The following SASH1 variants were observed in gnomAD, a reference collection of about 807,000 sequenced individuals.
SASH1 encodes SAM and SH3 domain containing 1, also known as SAM and SH3 domain-containing protein 1.
Under a neutral mutation model 125.2 loss-of-function variants are expected in SASH1, and 44 were observed. The ratio of observed to expected loss-of-function variants is 0.35; its 90% CI spans 0.28 to 0.45. The LOEUF is 0.45. Ranked by LOEUF, SASH1 falls within the 20% of genes least tolerant of loss-of-function variation. The pLI is 1.00. For missense variants in SASH1, 1,426 were observed against 1,614.5 expected, an observed-to-expected ratio of 0.88 and a Z score of 2.00; for synonymous variants, 639 against 649.1, an observed-to-expected ratio of 0.98 and a Z score of 0.24.
At chr6:148,310,391 A>G (rs1036209497) in intron 1 of SASH1, among the ~76,000 whole-genome samples, 28 of 151,060 alleles carry the variant, frequency 1.9e-4, no homozygotes, top group African/African-American at 6.3e-4. Context: ...TCTATTTAAC[A>G]ACTGGTGCTG....
upstream of SASH1, among the ~76,000 whole-genome samples, chr6:148,268,920 T>C (rs1778998580): frequency 6.6e-6 from 1 of 152,236 alleles, no homozygotes; most frequent in South Asian, 2.1e-4. Context: ...CATTGGGGAA[T>C]AACAATGCTG....
chr6:148,322,900 C>CTTTCTTTCTTTCTTTCTTTCTT (rs1443698620), intron 1 of SASH1, among the ~76,000 whole-genome samples: 2 of 129,268 alleles, frequency 1.5e-5, no homozygotes, highest in African/African-American at 5.8e-5. Context: ...TTCTTTCTTT[C>CTTTCTTTCTTTCTTTCTTTCTT]TCTCTCTTTC....
intron 1 of SASH1, among the ~76,000 whole-genome samples, chr6:148,353,769 A>G (rs1168949245): frequency 1.3e-5 from 2 of 152,204 alleles, no homozygotes; most frequent in Non-Finnish European, 2.9e-5. Context: ...TTGAGGTAAT[A>G]TGCCCTTTTT....
intron 2 of SASH1, among the ~76,000 whole-genome samples, chr6:148,428,454 A>G (rs776020280): frequency 2.6e-5 from 4 of 152,066 alleles, no homozygotes; most frequent in Admixed American, 6.5e-5. Flanking sequence ...AACATGGTGA[A>G]ACCATCTCTA....
chr6:148,238,699 A>C, the SASH1 span, among the ~76,000 whole-genome samples: 1 of 151,730 alleles, frequency 6.6e-6, no homozygotes, highest in Admixed American at 6.6e-5. Flanking sequence ...AGGGATTTTT[A>C]TGACTTTGCT....
chr6:148,353,435 ATTTT>A (rs377513066), intron 1 of SASH1, among the ~76,000 whole-genome samples: 22 of 108,800 alleles, frequency 2.0e-4, no homozygotes, highest in Non-Finnish European at 3.3e-4. Flanking sequence ...TTTAAGATTG[ATTTT>A]TTTTTTTTTT....
At chr6:148,268,159 T>G (rs951024122), upstream of SASH1, among the ~76,000 whole-genome samples, 4 of 152,172 alleles carry the variant, frequency 2.6e-5, no homozygotes, top group Admixed American at 6.5e-5. Context: ...AAGAAACTTT[T>G]CTGAATCAAA....
At chr6:148,275,515 A>C (rs996635327) in intron 1 of SASH1, among the ~76,000 whole-genome samples, 1 of 152,148 alleles carries the variant, frequency 6.6e-6, no homozygotes, top group Non-Finnish European at 1.5e-5. Flanking sequence ...GCCCCAGTCA[A>C]ACTTCCACCT....
intron 7 of SASH1, among the ~76,000 whole-genome samples, chr6:148,477,364 A>C (rs1433978590): frequency 6.6e-6 from 1 of 152,254 alleles, no homozygotes; most frequent in Non-Finnish European, 1.5e-5. Context: ...ACAACTCAAT[A>C]GGAAAAAAAA....
At chr6:148,307,342 C>A (rs143739846) in intron 1 of SASH1, among the ~76,000 whole-genome samples, 1 of 151,670 alleles carries the variant, frequency 6.6e-6, no homozygotes, top group Admixed American at 6.6e-5. Context: ...GGTCTCAAAC[C>A]CCTGACCTCG....
chr6:148,236,207 TATTAA>T, the SASH1 span, among the ~76,000 whole-genome samples: 63 of 152,090 alleles, frequency 4.1e-4, 1 homozygote, highest in South Asian at 9.5e-3. Flanking sequence ...TCACACAGTT[TATTAA>T]ATTAAATTTT....
intron 8 of SASH1, among the ~76,000 whole-genome samples, chr6:148,509,029 C>T (rs1779966917): frequency 6.6e-6 from 1 of 152,024 alleles, no homozygotes; most frequent in Non-Finnish European, 1.5e-5. Flanking sequence ...ACTTCCCTAC[C>T]TGGTAACCCT....
At chr6:148,367,231 A>G (rs952141935) in intron 1 of SASH1, among the ~76,000 whole-genome samples, 2 of 152,134 alleles carry the variant, frequency 1.3e-5, no homozygotes, top group African/African-American at 2.4e-5. Context: ...GCCACAGTGT[A>G]TCTTTTTGTT....
chr6:148,420,869 T>G (rs1351728796), intron 2 of SASH1, among the ~76,000 whole-genome samples: 1 of 151,848 alleles, frequency 6.6e-6, no homozygotes, highest in Admixed American at 6.6e-5. Context: ...TCATTTGAGG[T>G]CAGGAGTTCG....
At chr6:148,512,915 A>G in intron 8 of SASH1, 3 of 985,412 alleles carry the variant, frequency 3.0e-6, no homozygotes, top group South Asian at 4.7e-5. Flanking sequence ...ATAGTCATAC[A>G]GGGAGAAAGT....
At chr6:148,238,989 A>AAAC in the SASH1 span, among the ~76,000 whole-genome samples, 1 of 152,132 alleles carries the variant, frequency 6.6e-6, no homozygotes, top group Non-Finnish European at 1.5e-5. Flanking sequence ...GCAGAGACAA[A>AAAC]AACTGTGAAT....
chr6:148,360,540 G>A (rs898212365), intron 1 of SASH1, among the ~76,000 whole-genome samples: 5 of 151,690 alleles, frequency 3.3e-5, no homozygotes, highest in African/African-American at 1.2e-4. Flanking sequence ...TAGAGACAGG[G>A]TTTCACCATT....
chr6:148,516,265 G>T (rs954115960), intron 9 of SASH1, among the ~76,000 whole-genome samples: 1 of 151,006 alleles, frequency 6.6e-6, no homozygotes, highest in Non-Finnish European at 1.5e-5. Flanking sequence ...CTGAGTTGCC[G>T]TTGGCCAATC....
In SASH1 at chr6:148,549,405, G is replaced by A. The variant is rs910827802; in HGVS notation, c.*847G>A. The A allele has an allele frequency of 2.6e-6, 1 of 387,166 alleles. No homozygotes were observed. Among genetic ancestry groups the A allele is most frequent in the Admixed American group, 4.5e-5 (1 of 22,344 alleles). 24.0% of individuals were successfully genotyped at this position (387,166 alleles called of 1,614,324 possible). A position where few individuals can be genotyped will look rare whatever the true frequency, so the allele number is the denominator to read the frequency against. ...TATCTGAAATTCACAAATATCATGT[G>A]TGTGCGTGCGTGCGTGCGCGTGTGT... On this transcript the variant is annotated 3_prime_UTR_variant, in exon 20 of 20. Transcript: ENST00000367467.
Sources: allele counts gnomAD v4.1 joint callset (sites outside exome capture counted in the v4.1 genomes callset), GRCh38; gene constraint gnomAD v4.1.1; transcripts MANE v1.5; gene names NCBI Gene and HGNC (gene_info 2026-07-23, HGNC 2026-07-21).